Variants in BBS7 observed in about 807,000 individuals in gnomAD.
The protein encoded by BBS7 is Bardet-Biedl syndrome 7, also known as BBSome complex member BBS7.
A neutral mutation model predicts 90.3 loss-of-function variants in BBS7; 50 were observed. That is an observed-to-expected ratio of 0.55 (90% CI 0.44 to 0.70). The LOEUF (loss-of-function observed/expected upper bound fraction) is 0.70. Ranked by LOEUF, BBS7 falls within the 30% of genes least tolerant of loss-of-function variation. The pLI, the probability that BBS7 is intolerant of heterozygous loss-of-function variation, is 0.00. For synonymous variants in BBS7, 235 were observed against 287.4 expected (o/e 0.82, Z 1.85); for missense variants, 729 against 838.9 (o/e 0.87, Z 1.62).
In BBS7 at chr4:121,833,402, T is replaced by C. The variant is rs115987385; in HGVS notation, c.1512-7A>G. On this transcript the variant is annotated splice_polypyrimidine_tract_variant and splice_region_variant and intron_variant, in intron 14 of 18. Transcript: ENST00000264499. ...GGTCAGTGTATTCATGGGTCTGTAA[T>C]ATAATAGTAGAGGCGCACATTTATG... is the stretch of plus-strand genomic sequence containing the variant. The C allele has an allele frequency of 6.2e-7, 1 of 1,613,538 alleles. No individual in the cohort carries two copies.
intron 15 of BBS7, among the ~76,000 whole-genome samples, chr4:121,831,860 C>T (rs1725198391): frequency 6.6e-6 from 1 of 152,080 alleles, no homozygotes; most frequent in African/African-American, 2.4e-5. Flanking sequence ...CTACTTCTTG[C>T]TCTCTAGTTG....
intron 5 of BBS7, chr4:121,858,619 C>T (rs1726809952): frequency 4.6e-6 from 1 of 217,510 alleles, no homozygotes. Context: ...ATATAACATC[C>T]TCCCTCCAAC....
At chr4:121,831,490 G>C (rs1478469938) in intron 15 of BBS7, among the ~76,000 whole-genome samples, 1 of 151,604 alleles carries the variant, frequency 6.6e-6, no homozygotes, top group Non-Finnish European at 1.5e-5. Context: ...TATTAAGTTG[G>C]ACCTTAAAGG....
At chr4:121,833,746 T>TG (rs533379066) in intron 14 of BBS7, among the ~76,000 whole-genome samples, 1 of 152,332 alleles carries the variant, frequency 6.6e-6, no homozygotes, top group South Asian at 2.1e-4. Context: ...GGTCTTACTA[T>TG]GTTGCCCAGG....
At chr4:121,860,406 A>T (rs759486129) in intron 4 of BBS7, among the ~76,000 whole-genome samples, 1 of 152,092 alleles carries the variant, frequency 6.6e-6, no homozygotes, top group Non-Finnish European at 1.5e-5. Context: ...TTTCCTATAA[A>T]ACCTTACAAA....
At chr4:121,836,634 G>T (rs1257919310) in intron 13 of BBS7, among the ~76,000 whole-genome samples, 1 of 152,010 alleles carries the variant, frequency 6.6e-6, no homozygotes, top group Non-Finnish European at 1.5e-5. Flanking sequence ...CTACTTTTCT[G>T]CTTCTACAAG....
chr4:121,837,020 C>T (rs1371473172), intron 13 of BBS7, among the ~76,000 whole-genome samples: 5 of 151,740 alleles, frequency 3.3e-5, no homozygotes, highest in African/African-American at 9.7e-5. Context: ...AGTACAGTGG[C>T]ACAATCTCAG....
At chr4:121,839,827 T>G (rs1725646336) in intron 12 of BBS7, 131 bp from the exon 13 acceptor site, 1 of 753,616 alleles carries the variant, frequency 1.3e-6, no homozygotes, top group African/African-American at 1.8e-5. Flanking sequence ...TTCAAACATG[T>G]TCTAACTTAC....
chr4:121,847,599 G>T, intron 9 of BBS7, 93 bp from the exon 10 acceptor site: 1 of 884,996 alleles, frequency 1.1e-6, no homozygotes. Flanking sequence ...CAATGTACAT[G>T]CCCCTTTGTC....
At chr4:121,861,220 T>C in intron 4 of BBS7, 1 of 275,734 alleles carries the variant, frequency 3.6e-6, no homozygotes, top group Non-Finnish European at 6.9e-6. Context: ...AACATAAAGC[T>C]AAATATCTAG....
chr4:121,833,831 C>T (rs577155346), intron 14 of BBS7, among the ~76,000 whole-genome samples: 2 of 152,126 alleles, frequency 1.3e-5, no homozygotes, highest in South Asian at 2.1e-4. Flanking sequence ...GTGTGAGCCA[C>T]CACGTCCAGC....
chr4:121,851,221 A>T (rs1353677498), intron 8 of BBS7, among the ~76,000 whole-genome samples: 1 of 152,054 alleles, frequency 6.6e-6, no homozygotes, highest in East Asian at 1.9e-4. Flanking sequence ...CATTACAAAA[A>T]TTTTTTACAA....
At chr4:121,837,764 C>T (rs535803953) in intron 13 of BBS7, among the ~76,000 whole-genome samples, 27 of 152,194 alleles carry the variant, frequency 1.8e-4, no homozygotes, top group African/African-American at 6.3e-4. Flanking sequence ...TCTTTTCAGG[C>T]ATTTTGTCTT....
At position 121,870,467 on chromosome 4, in the gene BBS7, G is replaced by A; in HGVS notation, c.-154C>T. On this transcript the variant is annotated 5_prime_UTR_variant, in exon 1 of 19. Transcript: ENST00000264499. ...CTAGGTCCTGGGCTGCACAGGCGGG[G>A]CGACAGGGCAGTGGCGTCCTGCGTG... 1 of 788,556 alleles carries A rather than the reference G, an allele frequency of 1.3e-6. No homozygotes were observed. The highest frequency in any genetic ancestry group is 2.7e-5 in the East Asian group (1 of 37,556). The allele number at this position is 788,556 out of a possible 1,614,324, so 48.8% of individuals were successfully genotyped here.
rs200420622 is a variant in BBS7 at position 121,870,296 on chromosome 4, G to A, written c.18C>T (p.Asn6=). Residue 6 remains asparagine, a synonymous_variant, in exon 1 of 19, where the codon AAC becomes AAT. Coordinates refer to ENST00000264499, the MANE Select transcript of BBS7 (RefSeq NM_176824.3). The part of the protein sequence containing the change: MDLIL[N]RMDYLQVGVT... ...GGTTTACCTGCAGATAATCCATTCGGTTTAAAATCAGATCCATGATGACTA... is the reference window on the plus strand; with the variant it reads ...GGTTTACCTGCAGATAATCCATTCGATTTAAAATCAGATCCATGATGACTA... The A allele has an allele frequency of 6.2e-7, 1 of 1,614,164 alleles. No individual in the cohort carries two copies. Among genetic ancestry groups the A allele is most frequent in the East Asian group, 2.2e-5 (1 of 44,858 alleles).
chr4:121,826,130 C>T, intron 18 of BBS7, 137 bp from the exon 19 acceptor site: 1 of 725,532 alleles, frequency 1.4e-6, no homozygotes, highest in Non-Finnish European at 2.2e-6. Context: ...ACCTAAAAGC[C>T]ATGTTTTTAA....
chr4:121,869,100 AG>A (rs1727448324), intron 1 of BBS7, among the ~76,000 whole-genome samples: 2 of 152,312 alleles, frequency 1.3e-5, no homozygotes, highest in South Asian at 4.1e-4. Context: ...AACCCAAATG[AG>A]GGTAATAGAG....
At position 121,835,195 on chromosome 4, in the gene BBS7, T is replaced by C; in HGVS notation, c.1460A>G (p.His487Arg). The C allele has an allele frequency of 1.2e-6, 2 of 1,613,964 alleles. No individual in the cohort carries two copies. Among genetic ancestry groups the C allele is most frequent in the Non-Finnish European group, 8.5e-7 (1 of 1,179,862 alleles). The change falls in exon 14 of 19, where the codon CAC (histidine) becomes CGC (arginine). Residue 487 changes from histidine to arginine, a missense_variant. Transcript: ENST00000264499. The part of the protein sequence containing the change: ...QPKTCQVRQY[H>R]IKPLSLHQRT... ...TTGATGGAGTGAAAGAGGTTTGATGTGGTACTGGCGGACCTGACAGGTTTT... is the reference window on the plus strand; with the variant it reads ...TTGATGGAGTGAAAGAGGTTTGATGCGGTACTGGCGGACCTGACAGGTTTT...
At chr4:121,858,342 T>G (rs1726793617) in intron 5 of BBS7, among the ~76,000 whole-genome samples, 2 of 149,380 alleles carry the variant, frequency 1.3e-5, no homozygotes, top group Non-Finnish European at 3.0e-5. Context: ...CTATTTACCT[T>G]TAAACATTAT....
Sources: gnomAD v4.1 joint callset for allele counts (sites outside exome capture counted in the v4.1 genomes callset) on GRCh38, gnomAD v4.1.1 for gene constraint, MANE v1.5 for transcripts, NCBI Gene and HGNC (gene_info 2026-07-23, HGNC 2026-07-21) for gene names.